The following KALRN variants were observed in gnomAD, a reference collection of about 807,000 sequenced individuals.
The protein encoded by KALRN is kalirin RhoGEF kinase, also known as kalirin.
In KALRN, 70 loss-of-function variants were observed where a neutral mutation model predicts 353.7. The observed-to-expected ratio is 0.20, with a 90% CI of 0.16 to 0.24. The LOEUF is 0.24. Ranked by LOEUF, KALRN falls within the 10% of genes least tolerant of loss-of-function variation. The probability of loss-of-function intolerance (pLI) is 1.00; values close to 1 mark genes in which losing one functional copy is unlikely to be tolerated. For missense variants in KALRN, 2,791 were observed against 3,756.7 expected (o/e 0.74, Z 6.72); for synonymous variants, 1,391 against 1,434.8 (o/e 0.97, Z 0.69).
At chr3:124,663,581 T>G (rs2150262966) in intron 45 of KALRN, among the ~76,000 whole-genome samples, 1 of 152,364 alleles carries the variant, frequency 6.6e-6, no homozygotes, top group Admixed American at 6.5e-5. Context: ...AAATTGGAAC[T>G]GACACAATTA....
chr3:124,705,802 C>CCCTTCCTT (rs1024700710), intron 57 of KALRN, among the ~76,000 whole-genome samples: 1 of 149,024 alleles, frequency 6.7e-6, no homozygotes, highest in African/African-American at 2.5e-5. Flanking sequence ...ACTGGTCCCT[C>CCCTTCCTT]CCTTCCTTCC....
intron 5 of KALRN, among the ~76,000 whole-genome samples, chr3:124,296,388 T>G (rs1271309275): frequency 2.0e-5 from 3 of 152,150 alleles, no homozygotes; most frequent in Admixed American, 1.3e-4. Context: ...CTTCCCCACC[T>G]TCTCCTCTCT....
At chr3:124,141,553 G>A (rs1277895893) in intron 1 of KALRN, among the ~76,000 whole-genome samples, 2 of 152,096 alleles carry the variant, frequency 1.3e-5, no homozygotes. Context: ...CATTTAAACT[G>A]TACTATGATT....
chr3:124,316,753 G>A (rs2078853658), intron 6 of KALRN, among the ~76,000 whole-genome samples: 1 of 152,166 alleles, frequency 6.6e-6, no homozygotes, highest in Non-Finnish European at 1.5e-5. Flanking sequence ...TTAATTTATT[G>A]TCTGACTCTT....
chr3:124,605,631 T>C (rs2149494563), intron 34 of KALRN, among the ~76,000 whole-genome samples: 1 of 150,790 alleles, frequency 6.6e-6, no homozygotes, highest in South Asian at 2.1e-4. Context: ...CATCCCACTG[T>C]GGTCCTGTAT....
intron 34 of KALRN, among the ~76,000 whole-genome samples, chr3:124,563,396 G>A (rs1181800374): frequency 6.6e-6 from 1 of 152,100 alleles, no homozygotes; most frequent in East Asian, 1.9e-4. Context: ...ACTACATTCG[G>A]GAAAGTCCTC....
chr3:124,245,121 TA>T (rs2080968141), intron 3 of KALRN, among the ~76,000 whole-genome samples: 2 of 152,228 alleles, frequency 1.3e-5, no homozygotes, highest in African/African-American at 4.8e-5. Context: ...TTGTACCTAT[TA>T]ATCACCCTCT....
intron 36 of KALRN, among the ~76,000 whole-genome samples, chr3:124,636,907 TACA>T (rs930606956): frequency 5.9e-5 from 9 of 152,126 alleles, no homozygotes; most frequent in Non-Finnish European, 1.2e-4. Flanking sequence ...TGTCAGTAGG[TACA>T]ACACTAGTCT....
intron 34 of KALRN, among the ~76,000 whole-genome samples, chr3:124,565,672 G>A (rs2072716516): frequency 6.6e-6 from 1 of 152,214 alleles, no homozygotes. Context: ...GAGGGACTCA[G>A]CTTCAAGGGA....
intron 18 of KALRN, 118 bp downstream of exon 18, chr3:124,439,155 CTT>C: frequency 9.5e-6 from 9 of 943,948 alleles, no homozygotes; most frequent in Admixed American, 7.5e-5. Context: ...CTTTCTCTCT[CTT>C]TCTCTTTCTC....
chr3:124,095,884 T>C (rs972746485), intron 1 of KALRN: 6 of 152,130 alleles, frequency 3.9e-5, no homozygotes, highest in African/African-American at 1.4e-4. Flanking sequence ...CAAGGTGTAT[T>C]CATCTCTGTG....
At chr3:124,412,866 GCAGGACC>G (rs2092277165) in intron 13 of KALRN, among the ~76,000 whole-genome samples, 1 of 152,198 alleles carries the variant, frequency 6.6e-6, no homozygotes, top group Non-Finnish European at 1.5e-5. Context: ...AGGAACCAGA[GCAGGACC>G]CTTGGGTTTG....
At position 124,679,725 on chromosome 3, in the gene KALRN, A is replaced by T. The variant is rs1164900911; in HGVS notation, c.7377+208A>T. On this transcript the variant is annotated intron_variant, in intron 51 of 59. Coordinates refer to ENST00000682506, the MANE Select transcript of KALRN (RefSeq NM_001388419.1). ...AGAAAACTCTACCTAGATTTTTTTA[A>T]AAAACAAAAACTTGTTATCTTGAAT... is the stretch of plus-strand genomic sequence containing the variant. The T allele has an allele frequency of 3.4e-5, 21 of 626,522 alleles. No individual in the cohort carries two copies. The Admixed American group carries it at 4.5e-4, about 14-fold the overall frequency. 38.8% of individuals were successfully genotyped at this position (626,522 alleles called of 1,614,324 possible).
chr3:124,620,552 T>C (rs1451326481), intron 34 of KALRN, among the ~76,000 whole-genome samples: 1 of 152,202 alleles, frequency 6.6e-6, no homozygotes, highest in Non-Finnish European at 1.5e-5. Flanking sequence ...ATCTAGAATA[T>C]TTACTCTTAG....
intron 1 of KALRN, among the ~76,000 whole-genome samples, chr3:124,059,036 C>A (rs368495607): frequency 2.0e-5 from 3 of 152,030 alleles, no homozygotes; most frequent in African/African-American, 7.2e-5. Flanking sequence ...TTGTCCCTTC[C>A]TTCCTGAGAC....
intron 36 of KALRN, among the ~76,000 whole-genome samples, chr3:124,635,657 C>T (rs895414211): frequency 2.0e-5 from 3 of 152,028 alleles, no homozygotes; most frequent in Admixed American, 6.6e-5. Flanking sequence ...AAAAGTTCAC[C>T]GTTGTAATAT....
intron 14 of KALRN, among the ~76,000 whole-genome samples, chr3:124,422,280 G>A (rs925549599): frequency 3.9e-5 from 6 of 152,026 alleles, no homozygotes; most frequent in African/African-American, 9.7e-5. Context: ...GTCCATGTGC[G>A]ACACTTGCGG....
At chr3:124,390,092 G>A (rs1483973345) in intron 11 of KALRN, among the ~76,000 whole-genome samples, 1 of 152,124 alleles carries the variant, frequency 6.6e-6, no homozygotes, top group South Asian at 2.1e-4. Flanking sequence ...TTGTTTTCTG[G>A]TCTGGAGAGC....
chr3:124,699,457 G>A (rs975139235), intron 55 of KALRN, among the ~76,000 whole-genome samples: 3 of 152,128 alleles, frequency 2.0e-5, no homozygotes, highest in African/African-American at 2.4e-5. Context: ...AGTATTTTAC[G>A]TGTACGTAGT....
Sources: gnomAD v4.1 joint callset for allele counts (sites outside exome capture counted in the v4.1 genomes callset) on GRCh38, gnomAD v4.1.1 for gene constraint, MANE v1.5 for transcripts, NCBI Gene and HGNC (gene_info 2026-07-23, HGNC 2026-07-21) for gene names.